DDX10: variants seen among roughly 807,000 people sequenced by gnomAD.
DDX10 encodes the protein DEAD-box helicase 10.
In DDX10, 74 loss-of-function variants were observed where a neutral mutation model predicts 104.3. The observed-to-expected ratio is 0.71, with a 90% CI of 0.59 to 0.86. DDX10 has a LOEUF of 0.86. Among genes scored for constraint, DDX10 ranks in the 40% least tolerant of loss-of-function variants. The pLI is 0.00. For missense variants in DDX10, 952 were observed against 1,040.0 expected (o/e 0.92, Z 1.16); for synonymous variants, 351 against 353.4 (o/e 0.99, Z 0.08).
chr11:108,768,411 G>A (rs759254453), intron 13 of DDX10, among the ~76,000 whole-genome samples: 2 of 152,180 alleles, frequency 1.3e-5, no homozygotes, highest in African/African-American at 2.4e-5. Context: ...GTTAACACTG[G>A]CACTGTTGTG....
Position 108,818,808 on chromosome 11 carries a change from T to G in DDX10, c.1966-19638T>G, listed in dbSNP as rs555537493. Among the ~76,000 whole-genome samples the G allele has an allele frequency of 7.7e-4, 118 of 152,316 alleles. 1 individual carries two copies. Among genetic ancestry groups the G allele is most frequent in the Non-Finnish European group, 6.5e-4 (44 of 68,028 alleles). On this transcript the variant is annotated intron_variant, in intron 13 of 17. Transcript: ENST00000322536. The stretch of plus-strand genomic sequence containing the variant: ...TTTTATGTTCCAATGTACCCTTTTT[T>G]GGGGGGACTTATCACTTTTAGTCTT...
intron 13 of DDX10, among the ~76,000 whole-genome samples, chr11:108,743,100 C>T (rs1253234757): frequency 6.6e-6 from 1 of 152,120 alleles, no homozygotes; most frequent in East Asian, 1.9e-4. Flanking sequence ...AGGTCAATAT[C>T]CTTGATGAAC....
chr11:108,926,549 T>C (rs1435395982), intron 17 of DDX10, among the ~76,000 whole-genome samples: 2 of 152,340 alleles, frequency 1.3e-5, no homozygotes, highest in East Asian at 3.9e-4. Flanking sequence ...TCTGAGCCCA[T>C]CAATCTTTTC....
At chr11:108,690,652 C>T (rs76123074) in intron 7 of DDX10, 1,711 of 159,380 alleles carry the variant, frequency 0.011, 29 homozygotes, top group African/African-American at 0.039. Flanking sequence ...GAATCCAGTG[C>T]GTTGGCCAGT....
intron 13 of DDX10, among the ~76,000 whole-genome samples, chr11:108,729,582 C>CT (rs541762222): frequency 4.0e-4 from 59 of 146,946 alleles, no homozygotes; most frequent in Middle Eastern, 3.5e-3. Flanking sequence ...TGTTGCAGGC[C>CT]TTTTTTTTTT....
intron 13 of DDX10, among the ~76,000 whole-genome samples, chr11:108,741,066 T>TC (rs1273892607): frequency 1.3e-5 from 2 of 152,182 alleles, no homozygotes; most frequent in East Asian, 3.9e-4. Context: ...AGAGAATCCT[T>TC]CCCCCATTGG....
intron 13 of DDX10, among the ~76,000 whole-genome samples, chr11:108,735,116 C>T (rs992199590): frequency 1.8e-4 from 27 of 152,290 alleles, no homozygotes; most frequent in East Asian, 5.8e-4. Context: ...TTTTGAAACA[C>T]GGTTTCAAGT....
At chr11:108,727,169 C>A (rs1565260125) in intron 13 of DDX10, among the ~76,000 whole-genome samples, 1 of 151,964 alleles carries the variant, frequency 6.6e-6, no homozygotes, top group Non-Finnish European at 1.5e-5. Context: ...GAATATGACA[C>A]ATTTTGAAAG....
At chr11:108,901,467 T>C (rs1158724212) in intron 16 of DDX10, among the ~76,000 whole-genome samples, 3 of 152,236 alleles carry the variant, frequency 2.0e-5, no homozygotes, top group African/African-American at 7.2e-5. Context: ...AGTCTAAAAC[T>C]GTGAGCAGTA....
intron 13 of DDX10, among the ~76,000 whole-genome samples, chr11:108,772,529 A>C (rs1319870713): frequency 6.6e-6 from 1 of 152,212 alleles, no homozygotes; most frequent in African/African-American, 2.4e-5. Flanking sequence ...CCTAGTAGCC[A>C]TTGGCAAGGA....
At chr11:108,777,723 G>T (rs2094371985) in intron 13 of DDX10, among the ~76,000 whole-genome samples, 1 of 152,192 alleles carries the variant, frequency 6.6e-6, no homozygotes, top group African/African-American at 2.4e-5. Flanking sequence ...GAAATAAAGG[G>T]TATTCAGTTA....
intron 11 of DDX10, among the ~76,000 whole-genome samples, chr11:108,716,907 C>T (rs2094292229): frequency 6.6e-6 from 1 of 151,798 alleles, no homozygotes; most frequent in Non-Finnish European, 1.5e-5. Flanking sequence ...GGTGAGAAAT[C>T]TATTTTAGTT....
intron 13 of DDX10, among the ~76,000 whole-genome samples, chr11:108,741,388 T>A (rs2094325041): frequency 6.6e-6 from 1 of 152,160 alleles, no homozygotes; most frequent in Non-Finnish European, 1.5e-5. Context: ...ATCTGTAAAT[T>A]GTTTTGGGCA....
chr11:108,745,586 A>T (rs1443133623), intron 13 of DDX10, among the ~76,000 whole-genome samples: 1 of 152,134 alleles, frequency 6.6e-6, no homozygotes, highest in East Asian at 1.9e-4. Context: ...TACTACTGTG[A>T]CCACTTACTT....
intron 16 of DDX10, among the ~76,000 whole-genome samples, chr11:108,894,510 A>T (rs1274475864): frequency 6.6e-6 from 1 of 152,070 alleles, no homozygotes; most frequent in Non-Finnish European, 1.5e-5. Context: ...GATGAATTAA[A>T]TGTGAAAGTA....
chr11:108,699,599 C>G (rs1353702827), intron 9 of DDX10, among the ~76,000 whole-genome samples: 1 of 152,136 alleles, frequency 6.6e-6, no homozygotes, highest in Non-Finnish European at 1.5e-5. Flanking sequence ...AAAGATGAAG[C>G]AGTAATGTCT....
intron 17 of DDX10, among the ~76,000 whole-genome samples, chr11:108,932,940 A>C (rs1228604068): frequency 1.3e-5 from 2 of 151,988 alleles, no homozygotes; most frequent in African/African-American, 4.8e-5. Context: ...CTGTTACTGC[A>C]TGTCTTATGG....
chr11:108,921,224 A>C (rs1357251800), intron 17 of DDX10: 1 of 152,248 alleles, frequency 6.6e-6, no homozygotes, highest in East Asian at 1.9e-4. Flanking sequence ...AATGGCAATG[A>C]ATCAAGATGT....
intron 13 of DDX10, among the ~76,000 whole-genome samples, chr11:108,832,784 A>T (rs1289148000): frequency 1.3e-5 from 2 of 152,200 alleles, no homozygotes; most frequent in African/African-American, 4.8e-5. Context: ...GAGCACTTTC[A>T]CTTTTAGAAA....
Sources: allele counts gnomAD v4.1 joint callset (sites outside exome capture counted in the v4.1 genomes callset), GRCh38; gene constraint gnomAD v4.1.1; transcripts MANE v1.5; gene names NCBI Gene and HGNC (gene_info 2026-07-23, HGNC 2026-07-21).